Variants in SEMA4A observed in about 807,000 individuals in gnomAD.
SEMA4A encodes the protein semaphorin 4A, also known as semaphorin-4A.
A neutral mutation model predicts 72.5 loss-of-function variants in SEMA4A; 52 were observed. The observed-to-expected ratio is 0.72, with a 90% CI of 0.57 to 0.90. The LOEUF is 0.90. Among genes scored for constraint, SEMA4A ranks in the 40% least tolerant of loss-of-function variants. SEMA4A has a pLI of 0.00. For missense variants in SEMA4A, 926 were observed against 959.7 expected (o/e 0.96, Z 0.46); for synonymous variants, 369 against 393.1 (o/e 0.94, Z 0.73).
At position 156,177,284 on chromosome 1, in the gene SEMA4A, G is replaced by A. The variant is rs1302928371; in HGVS notation, c.*287G>A. ...TGAAGAACCTGGAGAGGATCCTTCAGTTCTGGCCATTCCAGGGACCCTCCA... is the reference window on the plus strand; with the variant it reads ...TGAAGAACCTGGAGAGGATCCTTCAATTCTGGCCATTCCAGGGACCCTCCA... On this transcript the variant is annotated 3_prime_UTR_variant, in exon 15 of 15. Coordinates refer to ENST00000368285, the MANE Select transcript of SEMA4A (RefSeq NM_022367.4). 1.9e-6 allele frequency: 1 copy of A among 516,534 alleles called. No homozygotes were observed. The highest frequency in any genetic ancestry group is 3.5e-6 in the Non-Finnish European group (1 of 283,432). The allele number at this position is 516,534 out of a possible 1,614,324, so 32.0% of individuals were successfully genotyped here.
chr1:156,174,969 C>T (rs1364209967), intron 12 of SEMA4A, 29 bp downstream of exon 12: 3 of 1,614,248 alleles, frequency 1.9e-6, no homozygotes, highest in Non-Finnish European at 2.5e-6. Context: ...ATCAAATGGC[C>T]TTCCAGTGGG....
intron 10 of SEMA4A, 50 bp downstream of exon 10, chr1:156,163,144 A>G (rs966765508): frequency 6.3e-7 from 1 of 1,598,890 alleles, no homozygotes; most frequent in Non-Finnish European, 8.6e-7. Context: ...CATAATGTGC[A>G]TGAAAAAACA....
At position 156,161,409 on chromosome 1, in the gene SEMA4A, C is replaced by T; in HGVS notation, c.874C>T (p.Leu292Phe). 3 of 1,614,008 alleles carry T rather than the reference C, an allele frequency of 1.9e-6. No individual in the cohort carries two copies. In the South Asian group the frequency reaches 3.3e-5, roughly 18 times the overall value. The change falls in exon 9 of 15, where the codon CTC becomes TTC. Residue 292 changes from leucine (L) to phenylalanine (F), a missense_variant. Leu to Phe is a conservative substitution (Grantham distance 22). Coordinates refer to ENST00000368285, the MANE Select transcript of SEMA4A (RefSeq NM_022367.4). ...GACCACCTTCCTGAAGGCCCAGCTG[C>T]TCTGCACCCAGCCGGGGCAGCTGCC... ...KWTTFLKAQL[L>F]CTQPGQLPFN...
In SEMA4A at chr1:156,172,759, G is replaced by A. The variant is rs1239459041; in HGVS notation, c.1135-67G>A. Reference sequence around the variant, plus strand: ...GGAGGGGGTAAAGGGAGAAGAGCAGGCGTTGGAGGGAGGGTGAGCTGAGGG... The same window carrying A: ...GGAGGGGGTAAAGGGAGAAGAGCAGACGTTGGAGGGAGGGTGAGCTGAGGG... On this transcript the variant is annotated intron_variant, in intron 10 of 14. Transcript: ENST00000368285. 4.3e-6 allele frequency: 6 copies of A among 1,400,542 alleles called. No homozygotes were observed. In the East Asian group the frequency reaches 6.8e-5, roughly 16 times the overall value. The allele number at this position is 1,400,542 out of a possible 1,614,324, so 86.8% of individuals were successfully genotyped here. A position where few individuals can be genotyped will look rare whatever the true frequency, so the allele number is the denominator to read the frequency against.
chr1:156,170,681 G>A (rs1279804134), intron 10 of SEMA4A, among the ~76,000 whole-genome samples: 1 of 151,152 alleles, frequency 6.6e-6, no homozygotes, highest in Non-Finnish European at 1.5e-5. Flanking sequence ...GTGAACCCGG[G>A]AGGCGGAGCT....
chr1:156,156,098 G>T, intron 2 of SEMA4A: 1 of 394,524 alleles, frequency 2.5e-6, no homozygotes, highest in Non-Finnish European at 4.9e-6. Context: ...TCATCCTAGT[G>T]AGGACCAAGG....
intron 5 of SEMA4A, 35 bp from the exon 6 acceptor site, chr1:156,158,684 G>A: frequency 6.5e-7 from 1 of 1,532,834 alleles, no homozygotes; most frequent in Non-Finnish European, 9.0e-7. Context: ...GTGAGACCTT[G>A]GCGTTCTGGC....
chr1:156,176,282 C>G, intron 14 of SEMA4A, 123 bp from the exon 15 acceptor site: 1 of 765,286 alleles, frequency 1.3e-6, no homozygotes, highest in African/African-American at 1.8e-5. Flanking sequence ...GGCAATAGAG[C>G]CAGAACCTGC....
upstream of SEMA4A, among the ~76,000 whole-genome samples, chr1:156,148,408 C>T (rs1021085270): frequency 1.3e-5 from 2 of 152,176 alleles, no homozygotes; most frequent in African/African-American, 4.8e-5. Flanking sequence ...ACATGGCGGC[C>T]CCGTTCAGGG....
chr1:156,170,361 G>T (rs1264716167), intron 10 of SEMA4A, among the ~76,000 whole-genome samples: 3 of 150,844 alleles, frequency 2.0e-5, no homozygotes, highest in Non-Finnish European at 4.4e-5. Flanking sequence ...CTACTTGGGA[G>T]GCTGAGGCAG....
Position 156,175,567 on chromosome 1 carries a change from A to G in SEMA4A, c.1604A>G (p.Lys535Arg). The change falls in exon 14 of 15, where the codon AAG becomes AGG. Residue 535 changes from lysine to arginine, a missense_variant. Lys to Arg is a conservative substitution (Grantham distance 26). Transcript: ENST00000368285. ...LLSAPNLNSW[K>R]QDMERGNPEW... ...CTCTGCTCTCTTAGGAACTCCTGGAAGCAGGACATGGAGCGGGGGAACCCA... is the reference window on the plus strand; with the variant it reads ...CTCTGCTCTCTTAGGAACTCCTGGAGGCAGGACATGGAGCGGGGGAACCCA... 1 of 1,613,198 alleles carries G rather than the reference A, an allele frequency of 6.2e-7. No individual in the cohort carries two copies. Among genetic ancestry groups the G allele is most frequent in the Non-Finnish European group, 8.5e-7 (1 of 1,179,394 alleles).
chr1:156,160,645 T>C, intron 7 of SEMA4A, 86 bp downstream of exon 7: 1 of 1,240,638 alleles, frequency 8.1e-7, no homozygotes, highest in Non-Finnish European at 1.2e-6. Context: ...GAAGGTACAA[T>C]GTGTCCATTA....
chr1:156,173,994 C>T (rs1369235965), intron 11 of SEMA4A, among the ~76,000 whole-genome samples: 1 of 152,076 alleles, frequency 6.6e-6, no homozygotes, highest in African/African-American at 2.4e-5. Context: ...ACCTGTAATC[C>T]CAGCTACTCG....
At chr1:156,149,118 ACTC>A (rs1652338318), upstream of SEMA4A, among the ~76,000 whole-genome samples, 2 of 151,698 alleles carry the variant, frequency 1.3e-5, no homozygotes, top group Non-Finnish European at 2.9e-5. Context: ...GGCTTTTTCA[ACTC>A]CTCATTTTGC....
chr1:156,171,144 G>A (rs940498152), intron 10 of SEMA4A, among the ~76,000 whole-genome samples: 1 of 152,188 alleles, frequency 6.6e-6, no homozygotes, highest in Admixed American at 6.5e-5. Context: ...AGATGTAGAT[G>A]TTATTACCTA....
In SEMA4A at chr1:156,156,493, A is replaced by G. The variant is rs759957473; in HGVS notation, c.219A>G (p.Gly73=). The G allele has an allele frequency of 1.2e-6, 2 of 1,613,992 alleles. No homozygotes were observed. Among genetic ancestry groups the G allele is most frequent in the Middle Eastern group, 1.6e-4 (1 of 6,084 alleles). Reference sequence around the variant, plus strand: ...ACACTCTGCTCCTGAGTGGTGATGGAAATACTCTCTACGTGGGGGCTCGAG... The same window carrying G: ...ACACTCTGCTCCTGAGTGGTGATGGGAATACTCTCTACGTGGGGGCTCGAG... ...DFDTLLLSGD[G]NTLYVGAREA... Residue 73 remains glycine (G), a synonymous_variant, in exon 3 of 15, where the codon GGA becomes GGG. Coordinates refer to ENST00000368285, the MANE Select transcript of SEMA4A (RefSeq NM_022367.4).
At chr1:156,167,762 CCT>C (rs1271932303) in intron 10 of SEMA4A, among the ~76,000 whole-genome samples, 1 of 152,092 alleles carries the variant, frequency 6.6e-6, no homozygotes, top group African/African-American at 2.4e-5. Context: ...GCCTGGCAGC[CCT>C]CTTTGTGTGA....
rs1468198783 is a variant in SEMA4A at position 156,161,495 on chromosome 1, C to A, written c.960C>A (p.Ile320=). The stretch of plus-strand genomic sequence containing the variant: ...CCGATTCTCCCACAGCTCCCCACAT[C>A]TACGCAGTCTTCACCTCCCAGTGGT... ...LPADSPTAPH[I]YAVFTSQWQV... Residue 320 remains isoleucine (I), a synonymous_variant, in exon 9 of 15, where the codon ATC becomes ATA. Transcript: ENST00000368285. The A allele has an allele frequency of 6.2e-7, 1 of 1,614,098 alleles. No homozygotes were observed. The highest frequency in any genetic ancestry group is 2.2e-5 in the East Asian group (1 of 44,872).
Position 156,160,557 on chromosome 1 carries a change from A to C in SEMA4A, c.683A>C (p.His228Pro). The part of the protein sequence containing the change: ...LKTDNFLRWL[H>P]HDASFVAAIP... ...ACCGACAACTTCCTCCGCTGGCTGC[A>C]TCGTAAGGACCTGACCCCCGCTGGC... Residue 228 changes from histidine to proline, a missense_variant and splice_region_variant, in exon 7 of 15, where the codon CAT becomes CCT. Transcript: ENST00000368285. 6.2e-7 allele frequency: 1 copy of C among 1,613,678 alleles called. No homozygotes were observed. Among genetic ancestry groups the C allele is most frequent in the Non-Finnish European group, 8.5e-7 (1 of 1,179,598 alleles).
Sources: gnomAD v4.1 joint callset for allele counts (sites outside exome capture counted in the v4.1 genomes callset) on GRCh38, gnomAD v4.1.1 for gene constraint, MANE v1.5 for transcripts, NCBI Gene and HGNC (gene_info 2026-07-23, HGNC 2026-07-21) for gene names.